Variants in CKAP2L observed in about 807,000 individuals in gnomAD.
CKAP2L encodes cytoskeleton-associated protein 2-like.
A neutral mutation model predicts 65.7 loss-of-function variants in CKAP2L; 42 were observed. The ratio of observed to expected loss-of-function variants is 0.64; its 90% CI spans 0.50 to 0.83. The LOEUF (loss-of-function observed/expected upper bound fraction) is 0.83, where lower values mean the gene tolerates loss of function less well. Among genes scored for constraint, CKAP2L ranks in the 40% least tolerant of loss-of-function variants. CKAP2L has a pLI of 0.00. For missense variants in CKAP2L, 908 were observed against 871.0 expected (o/e 1.04, Z -0.53); for synonymous variants, 325 against 313.5 (o/e 1.04, Z -0.39).
chr2:112,762,993 CA>C (rs1398357565), intron 1 of CKAP2L, among the ~76,000 whole-genome samples: 1 of 152,080 alleles, frequency 6.6e-6, no homozygotes, highest in Non-Finnish European at 1.5e-5. Flanking sequence ...ACTATGTTGC[CA>C]GGGGTGGTCT....
chr2:112,746,539 T>C lies in CKAP2L; in HGVS notation c.1639A>G (p.Ser547Gly). 6.2e-7 allele frequency: 1 copy of C among 1,613,342 alleles called. No individual in the cohort carries two copies. The highest frequency in any genetic ancestry group is 8.5e-7 in the Non-Finnish European group (1 of 1,179,436). ...GCAAATTTTTCAGCTTCAGGAATGC[T>C]GGACAATATGTTAAGTATTTCATTA... ...PSNEILNILS[S>G]IPEAEKFAKF... The change falls in exon 6 of 9, where the codon AGC (serine) becomes GGC (glycine). Residue 547 changes from serine (S) to glycine (G), a missense_variant. Physicochemically the swap from Ser to Gly is moderately conservative, Grantham distance 56. Transcript: ENST00000302450.
chr2:112,754,482 C>T (rs561622186), intron 4 of CKAP2L, among the ~76,000 whole-genome samples: 4 of 152,318 alleles, frequency 2.6e-5, no homozygotes, highest in East Asian at 1.9e-4. Flanking sequence ...TAATCATAAA[C>T]GAAGAGTGAA....
intron 3 of CKAP2L, among the ~76,000 whole-genome samples, chr2:112,759,493 T>G (rs750448974): frequency 6.6e-6 from 1 of 152,198 alleles, no homozygotes; most frequent in African/African-American, 2.4e-5. Context: ...GTAAAGCAGA[T>G]AAGGTAGGTA....
rs1468750140 is a variant in CKAP2L, at chr2:112,756,321, G to A, written c.1050C>T (p.Asn350=). Reference sequence around the variant, plus strand: ...GGCTGGACTTCTGATCTTGCTTGATGTTTGGATGTCTGTTGTTATATTCAC... The same window carrying A: ...GGCTGGACTTCTGATCTTGCTTGATATTTGGATGTCTGTTGTTATATTCAC... ...LQGEYNNRHP[N]IKQDQKSSQV... The change falls in exon 4 of 9, where the codon AAC becomes AAT. Residue 350 remains asparagine (N), a synonymous_variant. Coordinates refer to ENST00000302450, the MANE Select transcript of CKAP2L (RefSeq NM_152515.5). 2.5e-6 allele frequency: 4 copies of A among 1,613,858 alleles called. No individual in the cohort carries two copies. The highest frequency in any genetic ancestry group is 3.4e-6 in the Non-Finnish European group (4 of 1,179,872).
At chr2:112,745,344 G>C (rs1680171107) in intron 6 of CKAP2L, among the ~76,000 whole-genome samples, 2 of 151,816 alleles carry the variant, frequency 1.3e-5, no homozygotes, top group African/African-American at 4.8e-5. Flanking sequence ...GAAAGGCAAA[G>C]TAATCATAGT....
At position 112,736,595 on chromosome 2, in the gene CKAP2L, C is replaced by T. The variant is rs1230585099; in HGVS notation, c.*2228G>A. On this transcript the variant is annotated 3_prime_UTR_variant, in exon 9 of 9. Coordinates refer to ENST00000302450, the MANE Select transcript of CKAP2L (RefSeq NM_152515.5). ...ATTTTGTATCCTTGGCCTGCATCTCCCCATTTCCTCTTCCCCAATCTGTGG... is the reference window on the plus strand; with the variant it reads ...ATTTTGTATCCTTGGCCTGCATCTCTCCATTTCCTCTTCCCCAATCTGTGG... 3 of 152,134 alleles carry T rather than the reference C, an allele frequency of 2.0e-5. No homozygotes were observed. The highest frequency in any genetic ancestry group is 2.9e-5 in the Non-Finnish European group (2 of 68,024). The allele number at this position is 152,134 out of a possible 1,614,324, so 9.4% of individuals were successfully genotyped here.
Position 112,736,645 on chromosome 2 carries a change from GCTCT to G in CKAP2L, c.*2174_*2177del, listed in dbSNP as rs1201474456. Reference sequence around the variant, plus strand: ...GTAAGCACTTTCTCTGTGTACTTGAGCTCTTTCTTAAAAAATTAAATATTCCATA... The same window carrying G: ...GTAAGCACTTTCTCTGTGTACTTGAGTTCTTAAAAAATTAAATATTCCATA... On this transcript the variant is annotated 3_prime_UTR_variant, in exon 9 of 9. Coordinates refer to ENST00000302450, the MANE Select transcript of CKAP2L (RefSeq NM_152515.5). 1 of 152,112 alleles carries G rather than the reference GCTCT, an allele frequency of 6.6e-6. No homozygotes were observed. The highest frequency in any genetic ancestry group is 1.5e-5 in the Non-Finnish European group (1 of 68,032). The allele number at this position is 152,112 out of a possible 1,614,324, so 9.4% of individuals were successfully genotyped here.
chr2:112,764,586 C>T lies in CKAP2L; in HGVS notation c.13G>A (p.Gly5Arg), dbSNP rs370334854. Residue 5 changes from glycine (G) to arginine (R), a missense_variant, in exon 1 of 9, where the codon GGG (glycine) becomes AGG (arginine). Physicochemically the swap from Gly to Arg is moderately radical, Grantham distance 125 (BLOSUM62 -2). Transcript: ENST00000302450. ...CCGACAGCGGCAGCAGCGGTAGGCC[C>T]GGGCCCCACCATGACTCTTCAGTGA... is the stretch of plus-strand genomic sequence containing the variant. Reference protein sequence around the residue: MVGPGPTAAAAVEER... With the variant: MVGPRPTAAAAVEER... The T allele has an allele frequency of 2.5e-6, 4 of 1,614,164 alleles. No individual in the cohort carries two copies. The highest frequency in any genetic ancestry group is 3.4e-6 in the Non-Finnish European group (4 of 1,180,010).
At chr2:112,758,156 T>C (rs550563642) in intron 3 of CKAP2L, among the ~76,000 whole-genome samples, 1 of 152,328 alleles carries the variant, frequency 6.6e-6, no homozygotes, top group South Asian at 2.1e-4. Flanking sequence ...ATGTTAATAA[T>C]AAACAAATGT....
chr2:112,746,391 GAAGTT>G lies in CKAP2L; in HGVS notation c.1758+24_1758+28del, dbSNP rs775161748. The G allele has an allele frequency of 3.6e-5, 55 of 1,546,086 alleles. No homozygotes were observed. The African/African-American group carries it at 7.1e-4, about 20-fold the overall frequency. On this transcript the variant is annotated intron_variant, in intron 6 of 8. Coordinates refer to ENST00000302450, the MANE Select transcript of CKAP2L (RefSeq NM_152515.5). ...GAACTCACATGAAAGAGAATTTTAAGAAGTTACCCACCCAAGACAGATACTCACTG... is the reference window on the plus strand; with the variant it reads ...GAACTCACATGAAAGAGAATTTTAAGACCCACCCAAGACAGATACTCACTG...
intron 4 of CKAP2L, among the ~76,000 whole-genome samples, chr2:112,752,813 G>T (rs1457500849): frequency 6.6e-6 from 1 of 152,116 alleles, no homozygotes; most frequent in African/African-American, 2.4e-5. Context: ...TTTTTGAGAT[G>T]ACTAACTCAG....
chr2:112,762,422 G>A (rs1178409260), intron 2 of CKAP2L, 81 bp downstream of exon 2: 2 of 1,045,342 alleles, frequency 1.9e-6, no homozygotes, highest in Non-Finnish European at 3.0e-6. Flanking sequence ...CTAAGCAAAA[G>A]GGACATTTTT....
Position 112,738,882 on chromosome 2 carries a change from T to C in CKAP2L, c.2179A>G (p.Ile727Val), listed in dbSNP as rs1168492718. The stretch of plus-strand genomic sequence containing the variant: ...GGCAGCGCCTCATTTCTACGGAATA[T>C]AAAACATTTTGTTTCTTCCACTTCT... ...LLEVEETKCF[I>V]FRRNEALPVT... Residue 727 changes from isoleucine to valine, a missense_variant, in exon 9 of 9, where the codon ATA (isoleucine) becomes GTA (valine). Transcript: ENST00000302450. 6.2e-7 allele frequency: 1 copy of C among 1,614,122 alleles called. No individual in the cohort carries two copies. The highest frequency in any genetic ancestry group is 1.1e-5 in the South Asian group (1 of 91,084).
intron 6 of CKAP2L, among the ~76,000 whole-genome samples, chr2:112,744,511 C>T (rs1180414256): frequency 2.6e-5 from 4 of 152,188 alleles, no homozygotes; most frequent in African/African-American, 9.7e-5. Context: ...GTCTGACTCC[C>T]TTCATCCTAA....
At chr2:112,762,457 C>A in intron 2 of CKAP2L, 46 bp downstream of exon 2, 3 of 1,466,122 alleles carry the variant, frequency 2.0e-6, no homozygotes, top group Non-Finnish European at 2.9e-6. Flanking sequence ...ATTGCTAGTA[C>A]AAAGAAGGCA....
rs529051874 is a variant in CKAP2L at position 112,753,103 on chromosome 2, T to C, written c.1395-629A>G. 1.2e-4 allele frequency among the ~76,000 whole-genome samples: 18 copies of C among 152,294 alleles called. No individual in the cohort carries two copies. The East Asian group carries it at 1.5e-3, about 13-fold the overall frequency. On this transcript the variant is annotated intron_variant, in intron 4 of 8. Coordinates refer to ENST00000302450, the MANE Select transcript of CKAP2L (RefSeq NM_152515.5). ...TTGGGGGTAGGGGCACCAAGACATA[T>C]AGACCTCATGTTTGGATGTAGACAC...
rs998861126 is a variant in CKAP2L, at chr2:112,742,519, T to C, written c.1822+187A>G. ...GAAACAACCTTTGTTCAGTATTGAG[T>C]AGTGCATTTACTTGTAATAATACAA... On this transcript the variant is annotated intron_variant, in intron 7 of 8. Coordinates refer to ENST00000302450, the MANE Select transcript of CKAP2L (RefSeq NM_152515.5). 8 of 716,386 alleles carry C rather than the reference T, an allele frequency of 1.1e-5. No individual in the cohort carries two copies. In the African/African-American group the frequency reaches 1.4e-4, roughly 13 times the overall value. The allele number at this position is 716,386 out of a possible 1,614,324, so 44.4% of individuals were successfully genotyped here. A position where few individuals can be genotyped will look rare whatever the true frequency, so the allele number is the denominator to read the frequency against.
intron 6 of CKAP2L, 146 bp from the exon 7 acceptor site, chr2:112,742,915 A>G (rs1680065245): frequency 1.7e-6 from 1 of 598,846 alleles, no homozygotes; most frequent in Admixed American, 3.2e-5. Flanking sequence ...CTAGCTTGAC[A>G]GTTTTATAGC....
At chr2:112,749,214 G>A (rs2104872539) in intron 5 of CKAP2L, among the ~76,000 whole-genome samples, 1 of 120,040 alleles carries the variant, frequency 8.3e-6, no homozygotes, top group South Asian at 2.7e-4. Context: ...AAAGTAAAGG[G>A]ATGGAAAAAG....
Sources: gnomAD v4.1 joint callset for allele counts (sites outside exome capture counted in the v4.1 genomes callset) on GRCh38, gnomAD v4.1.1 for gene constraint, MANE v1.5 for transcripts, NCBI Gene and HGNC (gene_info 2026-07-23, HGNC 2026-07-21) for gene names.